The following GRID2 variants were observed in gnomAD, a reference collection of about 807,000 sequenced individuals.
GRID2 encodes glutamate ionotropic receptor delta type subunit 2.
GRID2 carries 33 observed loss-of-function variants against 114.8 expected under a neutral mutation model. That is an observed-to-expected ratio of 0.29 (90% CI 0.22 to 0.38). GRID2 has a LOEUF of 0.38. GRID2 is among the 10% of genes least tolerant of loss of function. GRID2 has a pLI of 1.00. For synonymous variants in GRID2, 505 were observed against 449.9 expected, an observed-to-expected ratio of 1.12 and a Z score of -1.55; for missense variants, 1,184 against 1,257.7, an observed-to-expected ratio of 0.94 and a Z score of 0.89.
chr4:93,234,849 T>G (rs554097981), intron 7 of GRID2, among the ~76,000 whole-genome samples: 1 of 152,132 alleles, frequency 6.6e-6, no homozygotes, highest in Admixed American at 6.6e-5. Context: ...ATGCTTATAT[T>G]AACAGATTAT....
chr4:93,798,966 G>C (rs990962896), intron 1 of GRID2, among the ~76,000 whole-genome samples: 1 of 152,158 alleles, frequency 6.6e-6, no homozygotes, highest in African/African-American at 2.4e-5. Context: ...AAAAAAGCAG[G>C]GGGTAGGCAA....
chr4:92,748,086 C>T (rs995542660), intron 2 of GRID2, among the ~76,000 whole-genome samples: 1 of 152,112 alleles, frequency 6.6e-6, no homozygotes, highest in Non-Finnish European at 1.5e-5. Context: ...CTTTTCTGGT[C>T]CTGCTCAGCC....
intron 2 of GRID2, among the ~76,000 whole-genome samples, chr4:92,698,932 A>T (rs1734542621): frequency 6.6e-6 from 1 of 152,174 alleles, no homozygotes; most frequent in Admixed American, 6.5e-5. Flanking sequence ...CTCATTCAGT[A>T]CTGACAACAC....
chr4:93,746,564 A>G (rs1328893933), intron 14 of GRID2, among the ~76,000 whole-genome samples: 1 of 152,128 alleles, frequency 6.6e-6, no homozygotes, highest in Non-Finnish European at 1.5e-5. Flanking sequence ...TCATTTTGCA[A>G]CATGTTTTCA....
At chr4:92,561,303 A>G (rs1245008392) in intron 1 of GRID2, among the ~76,000 whole-genome samples, 2 of 152,178 alleles carry the variant, frequency 1.3e-5, no homozygotes, top group African/African-American at 4.8e-5. Context: ...CTTCTTGCAA[A>G]ATACACTGGA....
chr4:93,205,686 C>T (rs1207870170), intron 4 of GRID2, among the ~76,000 whole-genome samples: 1 of 152,090 alleles, frequency 6.6e-6, no homozygotes, highest in East Asian at 1.9e-4. Flanking sequence ...AATGGGATGG[C>T]TGGGTCAAAT....
At chr4:93,510,528 C>A (rs1340009365) in intron 12 of GRID2, among the ~76,000 whole-genome samples, 1 of 152,060 alleles carries the variant, frequency 6.6e-6, no homozygotes, top group Non-Finnish European at 1.5e-5. Context: ...AACATTATTT[C>A]ATTAATATAA....
intron 2 of GRID2, among the ~76,000 whole-genome samples, chr4:92,795,179 C>T (rs1324005604): frequency 6.6e-6 from 1 of 151,546 alleles, no homozygotes; most frequent in African/African-American, 2.4e-5. Context: ...TATGATTTGT[C>T]TGCAACCCCA....
intron 4 of GRID2, among the ~76,000 whole-genome samples, chr4:93,172,193 T>C (rs1289816738): frequency 6.6e-6 from 1 of 152,128 alleles, no homozygotes; most frequent in Non-Finnish European, 1.5e-5. Context: ...TGTTCTTAAG[T>C]TTTGTGGTAG....
intron 1 of GRID2, among the ~76,000 whole-genome samples, chr4:92,423,928 A>G (rs1732026276): frequency 6.6e-6 from 1 of 152,172 alleles, no homozygotes; most frequent in South Asian, 2.1e-4. Flanking sequence ...AAAATAAAAA[A>G]GAGAAATGGA....
At chr4:92,440,558 T>G (rs1732994369) in intron 1 of GRID2, among the ~76,000 whole-genome samples, 1 of 148,926 alleles carries the variant, frequency 6.7e-6, no homozygotes, top group Non-Finnish European at 1.5e-5. Context: ...CCCTGAGGAG[T>G]AGTAGAATAG....
chr4:93,767,479 A>T (rs1471706113), intron 14 of GRID2, among the ~76,000 whole-genome samples: 1 of 152,284 alleles, frequency 6.6e-6, no homozygotes, highest in Admixed American at 6.5e-5. Context: ...AGACAGATAC[A>T]TTTCACAGGA....
At chr4:93,305,253 A>G (rs1396224062) in intron 8 of GRID2, among the ~76,000 whole-genome samples, 1 of 152,184 alleles carries the variant, frequency 6.6e-6, no homozygotes, top group Non-Finnish European at 1.5e-5. Context: ...GGTTAAATGT[A>G]GTTGTCAAGT....
At chr4:93,036,301 T>C (rs1296329241) in intron 2 of GRID2, among the ~76,000 whole-genome samples, 3 of 152,134 alleles carry the variant, frequency 2.0e-5, no homozygotes, top group Non-Finnish European at 2.9e-5. Flanking sequence ...CTCCAACTTA[T>C]ATAGTATTAA....
intron 2 of GRID2, among the ~76,000 whole-genome samples, chr4:92,723,211 AGAGT>A (rs1735896148): frequency 6.6e-6 from 1 of 152,156 alleles, no homozygotes; most frequent in Admixed American, 6.6e-5. Context: ...TTGAACAATC[AGAGT>A]ATGACATGAG....
chr4:93,067,749 G>A (rs1177519706), intron 2 of GRID2, among the ~76,000 whole-genome samples: 1 of 151,500 alleles, frequency 6.6e-6, no homozygotes, highest in African/African-American at 2.4e-5. Context: ...TATTAAGCAG[G>A]GACACTGTGC....
intron 1 of GRID2, among the ~76,000 whole-genome samples, chr4:92,437,696 T>C (rs1732803743): frequency 6.6e-6 from 1 of 152,206 alleles, no homozygotes; most frequent in African/African-American, 2.4e-5. Flanking sequence ...AAAATCAATA[T>C]ACAGAAGGTA....
chr4:92,439,158 G>A lies in GRID2; in HGVS notation c.88+134414G>A, dbSNP rs186900011. ...TCTCTGGCGGGCAGGAGTGGGGGTT[G>A]CAAGTTGCTCAGTGGGGGTGCTTTT... On this transcript the variant is annotated intron_variant, in intron 1 of 15. Transcript: ENST00000282020. Among the ~76,000 whole-genome samples the A allele has an allele frequency of 9.2e-3, 1,394 of 151,894 alleles. 18 individuals carry two copies. Among genetic ancestry groups the A allele is most frequent in the South Asian group, 0.039 (188 of 4,792 alleles).
chr4:93,703,344 A>G (rs1178907278), intron 14 of GRID2, among the ~76,000 whole-genome samples: 1 of 152,160 alleles, frequency 6.6e-6, no homozygotes, highest in Non-Finnish European at 1.5e-5. Context: ...TAATAATCAC[A>G]TCAGGGCAAA....
Sources: gnomAD v4.1 joint callset for allele counts (sites outside exome capture counted in the v4.1 genomes callset) on GRCh38, gnomAD v4.1.1 for gene constraint, MANE v1.5 for transcripts, NCBI Gene and HGNC (gene_info 2026-07-23, HGNC 2026-07-21) for gene names.